ATXN7L1: variants seen among roughly 807,000 people sequenced by gnomAD.
ATXN7L1 encodes the protein ataxin 7 like 1.
ATXN7L1 carries 15 observed loss-of-function variants against 70.8 expected under a neutral mutation model. That is an observed-to-expected ratio of 0.21 (90% confidence interval 0.14 to 0.33). The LOEUF (loss-of-function observed/expected upper bound fraction) is 0.33, where lower values mean the gene tolerates loss of function less well. Ranked by LOEUF, ATXN7L1 falls within the 10% of genes least tolerant of loss-of-function variation. The pLI is 1.00. For synonymous variants in ATXN7L1, 440 were observed against 445.1 expected, an observed-to-expected ratio of 0.99 and a Z score of 0.14; for missense variants, 975 against 1,097.1, an observed-to-expected ratio of 0.89 and a Z score of 1.57.
chr7:105,819,729 T>G, intron 2 of ATXN7L1: 1 of 805,688 alleles, frequency 1.2e-6, no homozygotes, highest in Non-Finnish European at 2.2e-6. Flanking sequence ...TAGCCGCACC[T>G]TCCGGCTGAC....
At chr7:105,839,328 C>T (rs1812868019) in intron 2 of ATXN7L1, among the ~76,000 whole-genome samples, 1 of 152,146 alleles carries the variant, frequency 6.6e-6, no homozygotes, top group Non-Finnish European at 1.5e-5. Flanking sequence ...CTCACCCTGG[C>T]CTAAACACTC....
chr7:105,776,007 A>C (rs1802669818), intron 3 of ATXN7L1, among the ~76,000 whole-genome samples: 1 of 152,170 alleles, frequency 6.6e-6, no homozygotes, highest in Non-Finnish European at 1.5e-5. Context: ...TGTTCCAGAG[A>C]AAGCACTGTT....
chr7:105,784,027 T>A (rs1371094827), intron 3 of ATXN7L1, among the ~76,000 whole-genome samples: 1 of 152,150 alleles, frequency 6.6e-6, no homozygotes, highest in African/African-American at 2.4e-5. Context: ...AGTGGCACCA[T>A]CATAGCTCAC....
intron 2 of ATXN7L1, chr7:105,875,093 A>T (rs1818866617): frequency 6.6e-6 from 1 of 152,640 alleles, no homozygotes; most frequent in African/African-American, 2.4e-5. Flanking sequence ...CAGGCTTGCA[A>T]ATGAGAACAG....
intron 2 of ATXN7L1, among the ~76,000 whole-genome samples, 184 bp downstream of exon 2, chr7:105,875,628 C>CCCA (rs1554490212): frequency 1.1e-4 from 1 of 9,248 alleles, no homozygotes; most frequent in Non-Finnish European, 4.8e-4. Flanking sequence ...CCCCCCTTTA[C>CCCA]CCCCCCCCCA....
At chr7:105,809,251 A>T (rs147747407) in intron 2 of ATXN7L1, among the ~76,000 whole-genome samples, 1 of 152,336 alleles carries the variant, frequency 6.6e-6, no homozygotes, top group African/African-American at 2.4e-5. Flanking sequence ...TTTTTAAAAA[A>T]CAAGTTGTGG....
intron 2 of ATXN7L1, among the ~76,000 whole-genome samples, chr7:105,836,879 A>C (rs1333064838): frequency 6.6e-6 from 1 of 152,156 alleles, no homozygotes; most frequent in Non-Finnish European, 1.5e-5. Flanking sequence ...CCAAAATGGC[A>C]AAACCCCATC....
intron 3 of ATXN7L1, among the ~76,000 whole-genome samples, chr7:105,676,341 G>A (rs1316464236): frequency 6.6e-6 from 1 of 152,116 alleles, no homozygotes; most frequent in African/African-American, 2.4e-5. Flanking sequence ...TTAAACACAG[G>A]AGTCACCACA....
chr7:105,693,534 CCCATCCATCCATCCATCCAT>C (rs36181010), intron 3 of ATXN7L1, among the ~76,000 whole-genome samples: 1 of 139,572 alleles, frequency 7.2e-6, no homozygotes, highest in African/African-American at 2.7e-5. Flanking sequence ...AATCTAATGC[CCCATCCATCCATCCATCCAT>C]CCATCCATCC....
intron 3 of ATXN7L1, among the ~76,000 whole-genome samples, chr7:105,667,484 G>A (rs954638106): frequency 3.0e-5 from 3 of 98,592 alleles, no homozygotes; most frequent in African/African-American, 6.0e-5. Context: ...CGGATCACGA[G>A]GTCAGGAGAT....
chr7:105,711,764 G>A (rs1000132347), intron 3 of ATXN7L1, among the ~76,000 whole-genome samples: 3 of 152,172 alleles, frequency 2.0e-5, no homozygotes, highest in East Asian at 1.9e-4. Context: ...GCAAGATGTT[G>A]GTCTATCTAC....
chr7:105,786,291 C>T (rs1210759447), intron 3 of ATXN7L1, among the ~76,000 whole-genome samples: 1 of 152,218 alleles, frequency 6.6e-6, no homozygotes, highest in African/African-American at 2.4e-5. Flanking sequence ...GGGCTGTCCC[C>T]TAAGCTGACT....
chr7:105,733,552 A>G (rs1796867266), intron 3 of ATXN7L1, among the ~76,000 whole-genome samples: 1 of 122,120 alleles, frequency 8.2e-6, no homozygotes, highest in African/African-American at 3.5e-5. Flanking sequence ...CCATCCATCC[A>G]TCCACCCATC....
chr7:105,722,479 T>G (rs1335443070), intron 3 of ATXN7L1, among the ~76,000 whole-genome samples: 2 of 143,906 alleles, frequency 1.4e-5, no homozygotes, highest in Non-Finnish European at 3.0e-5. Flanking sequence ...TGAGAATTGC[T>G]TGAATTGGGA....
At chr7:105,875,632 C>CCCG (rs1554490231) in intron 2 of ATXN7L1, among the ~76,000 whole-genome samples, 180 bp downstream of exon 2, 8 of 123,350 alleles carry the variant, frequency 6.5e-5, no homozygotes, top group Middle Eastern at 3.9e-3. Context: ...CCTTTACCCC[C>CCCG]CCCCCAGTTG....
rs1379288065 is a variant in ATXN7L1, at chr7:105,614,822, C to T, written c.1518-6G>A. The stretch of plus-strand genomic sequence containing the variant: ...CTGCCGCAGGAGGGATCTTCCTAAA[C>T]ATGAGAGAAGAGTGAAAGAGAATCA... On this transcript the variant is annotated splice_region_variant and splice_polypyrimidine_tract_variant and intron_variant, in intron 9 of 11. Coordinates refer to ENST00000419735, the MANE Select transcript of ATXN7L1 (RefSeq NM_020725.2). The surrounding 1 kb of genome is among the most constrained non-coding windows in gnomAD (Gnocchi z 4.3). 19 of 1,545,692 alleles carry T rather than the reference C, an allele frequency of 1.2e-5. No homozygotes were observed. Among genetic ancestry groups the T allele is most frequent in the African/African-American group, 1.4e-5 (1 of 73,004 alleles).
intron 3 of ATXN7L1, among the ~76,000 whole-genome samples, chr7:105,775,366 G>A (rs989348752): frequency 1.3e-5 from 2 of 152,218 alleles, no homozygotes; most frequent in African/African-American, 2.4e-5. Context: ...AAGCACTGCG[G>A]GTTTAGAAAA....
intron 2 of ATXN7L1, among the ~76,000 whole-genome samples, chr7:105,812,862 C>A (rs1300583668): frequency 6.6e-6 from 1 of 152,134 alleles, no homozygotes; most frequent in Non-Finnish European, 1.5e-5. Context: ...TTTATCTGGG[C>A]ATGGTGGCAC....
chr7:105,717,400 A>G (rs1245229635), intron 3 of ATXN7L1, among the ~76,000 whole-genome samples: 1 of 152,210 alleles, frequency 6.6e-6, no homozygotes, highest in African/African-American at 2.4e-5. Context: ...TGCTGGGATT[A>G]CAGACATGAG....
Sources: gnomAD v4.1 joint callset for allele counts (sites outside exome capture counted in the v4.1 genomes callset) on GRCh38, gnomAD v4.1.1 for gene constraint, Gnocchi (gnomAD v3.1) non-coding constraint, MANE v1.5 for transcripts, NCBI Gene and HGNC (gene_info 2026-07-23, HGNC 2026-07-21) for gene names.